NAV2: variants seen among roughly 807,000 people sequenced by gnomAD.
The protein encoded by NAV2 is neuron navigator 2.
In NAV2, 54 loss-of-function variants were observed where a neutral mutation model predicts 223.2. The ratio of observed to expected loss-of-function variants is 0.24; its 90% CI spans 0.19 to 0.30. The LOEUF (loss-of-function observed/expected upper bound fraction) is 0.30, where lower values mean the gene tolerates loss of function less well. Among genes scored for constraint, NAV2 ranks in the 10% least tolerant of loss-of-function variants. The pLI, the probability that NAV2 is intolerant of heterozygous loss-of-function variation, is 1.00. For synonymous variants in NAV2, 1,279 were observed against 1,239.3 expected, an observed-to-expected ratio of 1.03 and a Z score of -0.67; for missense variants, 2,806 against 3,147.5, an observed-to-expected ratio of 0.89 and a Z score of 2.60.
intron 36 of NAV2, among the ~76,000 whole-genome samples, chr11:20,110,898 G>A (rs1210996356): frequency 2.0e-5 from 3 of 152,130 alleles, no homozygotes; most frequent in African/African-American, 7.2e-5. Flanking sequence ...CCTAGAATGG[G>A]TTCTGACAGG....
intron 3 of NAV2, among the ~76,000 whole-genome samples, chr11:19,868,537 T>A (rs1463168761): frequency 6.6e-6 from 1 of 152,238 alleles, no homozygotes; most frequent in East Asian, 1.9e-4. Flanking sequence ...TACATTTGAC[T>A]GCCTGCCTCT....
chr11:19,475,264 T>C (rs2042082415), intron 1 of NAV2, among the ~76,000 whole-genome samples: 1 of 152,230 alleles, frequency 6.6e-6, no homozygotes, highest in Admixed American at 6.5e-5. Context: ...TTGGGTGGTT[T>C]TTCTGTCCTC....
chr11:19,550,274 A>G (rs1233803446), intron 1 of NAV2, among the ~76,000 whole-genome samples: 2 of 152,362 alleles, frequency 1.3e-5, no homozygotes, highest in African/African-American at 2.4e-5. Context: ...AAATCAGCTG[A>G]GAAACTCCAC....
At chr11:20,045,854 T>C (rs551040076) in intron 14 of NAV2, among the ~76,000 whole-genome samples, 184 bp downstream of exon 14, 5 of 152,374 alleles carry the variant, frequency 3.3e-5, no homozygotes, top group African/African-American at 1.2e-4. Flanking sequence ...ATGAAAAACT[T>C]AGGCCTCTGG....
intron 1 of NAV2, among the ~76,000 whole-genome samples, chr11:19,436,107 A>G (rs1050719579): frequency 3.9e-5 from 6 of 151,962 alleles, no homozygotes; most frequent in Admixed American, 1.3e-4. Context: ...TTCGTTGCCT[A>G]TGATTTTGGG....
At chr11:20,021,394 A>G (rs1246416928) in intron 11 of NAV2, among the ~76,000 whole-genome samples, 1 of 152,174 alleles carries the variant, frequency 6.6e-6, no homozygotes, top group Non-Finnish European at 1.5e-5. Context: ...TTTACCTATT[A>G]TGTTTGCCTA....
intron 11 of NAV2, among the ~76,000 whole-genome samples, chr11:20,015,903 A>G (rs940326229): frequency 6.6e-6 from 1 of 152,188 alleles, no homozygotes; most frequent in Non-Finnish European, 1.5e-5. Context: ...ATCTGTTGGC[A>G]TAGTGACCTG....
chr11:19,571,809 C>T (rs533215471), intron 1 of NAV2, among the ~76,000 whole-genome samples: 2 of 152,256 alleles, frequency 1.3e-5, no homozygotes, highest in African/African-American at 4.8e-5. Context: ...TAAATGGTGC[C>T]TTTACTATTA....
At chr11:19,763,913 ATCTC>A (rs1191315220) in intron 1 of NAV2, among the ~76,000 whole-genome samples, 1 of 151,964 alleles carries the variant, frequency 6.6e-6, no homozygotes, top group Non-Finnish European at 1.5e-5. Flanking sequence ...GCCGTATAAC[ATCTC>A]TCTATCCATG....
At chr11:20,082,514 C>T (rs2060153765) in intron 25 of NAV2, 2 of 1,450,382 alleles carry the variant, frequency 1.4e-6, no homozygotes, top group African/African-American at 1.4e-5. Flanking sequence ...GAAGCTTTCC[C>T]TGTCACTGGC....
intron 12 of NAV2, among the ~76,000 whole-genome samples, chr11:20,037,931 AC>A (rs11299599): frequency 0.99 from 150,865 of 152,262 alleles, 74,756 homozygotes; most frequent in East Asian, 1. Flanking sequence ...GGAATTGCTC[AC>A]CCTGCATCTA....
At chr11:19,878,708 G>T (rs561141114) in intron 4 of NAV2, among the ~76,000 whole-genome samples, 5 of 152,134 alleles carry the variant, frequency 3.3e-5, no homozygotes, top group South Asian at 2.1e-4. Flanking sequence ...AATCACACTG[G>T]GGGGAAGGCA....
chr11:19,466,984 T>TACACACACACACACACAC lies in NAV2; in HGVS notation c.75+115975_75+115992dup, dbSNP rs3042688. Among the ~76,000 whole-genome samples the TACACACACACACACACAC allele has an allele frequency of 8.5e-3, 1,061 of 124,856 alleles. 6 individuals are homozygous for TACACACACACACACACAC. Among genetic ancestry groups the TACACACACACACACACAC allele is most frequent in the Non-Finnish European group, 0.011 (680 of 59,646 alleles). 81.9% of individuals were successfully genotyped at this position (124,856 alleles called of 152,430 possible). ...TCTTGTTCTCTCTTCTCTCTCTCTCTACACACACACACACACACACACACA... is the reference window on the plus strand; with the variant it reads ...TCTTGTTCTCTCTTCTCTCTCTCTCTACACACACACACACACACACACACACACACACACACACACACA... On this transcript the variant is annotated intron_variant, in intron 1 of 37. Transcript: ENST00000360655.
chr11:19,794,636 G>T (rs148624077), intron 1 of NAV2, among the ~76,000 whole-genome samples: 2 of 152,118 alleles, frequency 1.3e-5, no homozygotes, highest in African/African-American at 4.8e-5. Flanking sequence ...CTGTTAGCAG[G>T]GAGTTACTTC....
chr11:19,932,700 C>A (rs909740474), intron 6 of NAV2, among the ~76,000 whole-genome samples: 1 of 152,154 alleles, frequency 6.6e-6, no homozygotes, highest in African/African-American at 2.4e-5. Context: ...TGTAATTATT[C>A]TTTTTTAAAG....
intron 1 of NAV2, among the ~76,000 whole-genome samples, chr11:19,668,928 G>C (rs2048502768): frequency 6.6e-6 from 1 of 152,144 alleles, no homozygotes; most frequent in Non-Finnish European, 1.5e-5. Flanking sequence ...TACATGACAG[G>C]CCTATGGGAG....
At chr11:20,052,445 C>T (rs530134047) in intron 17 of NAV2, among the ~76,000 whole-genome samples, 149 of 152,338 alleles carry the variant, frequency 9.8e-4, no homozygotes, top group African/African-American at 3.5e-3. Context: ...CAGTTTCAAT[C>T]GTGCCTATGA....
intron 3 of NAV2, among the ~76,000 whole-genome samples, chr11:19,856,424 T>C (rs960085519): frequency 6.6e-6 from 1 of 152,244 alleles, no homozygotes; most frequent in African/African-American, 2.4e-5. Context: ...TTTGAAACTG[T>C]TGGCCAAATC....
At chr11:20,026,713 G>A (rs1484699057) in intron 11 of NAV2, among the ~76,000 whole-genome samples, 1 of 152,218 alleles carries the variant, frequency 6.6e-6, no homozygotes, top group African/African-American at 2.4e-5. Flanking sequence ...TCATTAAAAT[G>A]TGTAAAATGA....
Sources: gnomAD v4.1 joint callset for allele counts (sites outside exome capture counted in the v4.1 genomes callset) on GRCh38, gnomAD v4.1.1 for gene constraint, MANE v1.5 for transcripts, NCBI Gene and HGNC (gene_info 2026-07-23, HGNC 2026-07-21) for gene names.